The following LIPI variants were observed in gnomAD, a reference collection of about 807,000 sequenced individuals.
LIPI encodes lipase member I.
In LIPI, 59 loss-of-function variants were observed where a neutral mutation model predicts 50.6. That is an observed-to-expected ratio of 1.16 (90% confidence interval 0.94 to 1.45). The LOEUF (loss-of-function observed/expected upper bound fraction) is 1.45. Ranked by LOEUF, LIPI falls within the 40% of genes most tolerant of loss-of-function variation. The pLI, the probability that LIPI is intolerant of heterozygous loss-of-function variation, is 0.00. For synonymous variants in LIPI, 203 were observed against 178.2 expected (o/e 1.14, Z -1.11); for missense variants, 586 against 536.3 (o/e 1.09, Z -0.92).
At chr21:14,201,741 C>A (rs1019755857) in intron 1 of LIPI, among the ~76,000 whole-genome samples, 1 of 152,094 alleles carries the variant, frequency 6.6e-6, no homozygotes, top group Non-Finnish European at 1.5e-5. Context: ...AGTGAGTGGG[C>A]AAAAACTGGA....
intron 9 of LIPI, among the ~76,000 whole-genome samples, chr21:14,134,771 AC>A (rs2017428160): frequency 1.3e-5 from 2 of 152,200 alleles, no homozygotes; most frequent in South Asian, 4.1e-4. Context: ...CCTGTCTCCC[AC>A]CATATACAAA....
rs867372138 is a variant in LIPI at position 14,166,527 on chromosome 21, T to C, written c.644-76A>G. On this transcript the variant is annotated intron_variant, in intron 4 of 9. Coordinates refer to ENST00000681601, the MANE Select transcript of LIPI (RefSeq NM_001302998.2). ...ATCTTGCATAAAACAAAATAGCCTA[T>C]AAAATCCATTGAAAGTTACTCTTTA... 6 of 792,562 alleles carry C rather than the reference T, an allele frequency of 7.6e-6. No homozygotes were observed. In the Middle Eastern group the frequency reaches 6.8e-4, roughly 90 times the overall value. 49.1% of individuals were successfully genotyped at this position (792,562 alleles called of 1,614,324 possible).
chr21:14,186,120 A>T (rs1344689196), intron 2 of LIPI, 51 bp from the exon 3 acceptor site: 1 of 968,982 alleles, frequency 1.0e-6, no homozygotes, highest in Admixed American at 1.7e-5. Flanking sequence ...AAGTAATAAC[A>T]AATCATGCCC....
At chr21:14,157,532 G>T (rs190800185) in intron 7 of LIPI, among the ~76,000 whole-genome samples, 23 of 151,860 alleles carry the variant, frequency 1.5e-4, no homozygotes, top group Admixed American at 6.6e-4. Context: ...ACGTTATAGT[G>T]GTATAAATAG....
At chr21:14,130,093 A>T (rs1030032874) in intron 9 of LIPI, among the ~76,000 whole-genome samples, 3 of 149,812 alleles carry the variant, frequency 2.0e-5, no homozygotes, top group African/African-American at 7.6e-5. Context: ...GTTAGTTTTT[A>T]AAAAATTGCT....
chr21:14,180,146 G>C (rs1441426753), intron 4 of LIPI, among the ~76,000 whole-genome samples: 1 of 152,110 alleles, frequency 6.6e-6, no homozygotes, highest in Admixed American at 6.6e-5. Flanking sequence ...GTACCCTCAG[G>C]CTTCCTAGGG....
chr21:14,199,573 G>A (rs1474614363), intron 1 of LIPI, among the ~76,000 whole-genome samples: 2 of 151,150 alleles, frequency 1.3e-5, no homozygotes, highest in African/African-American at 4.9e-5. Flanking sequence ...CCAGTGATGA[G>A]CTCTGAAATT....
intron 9 of LIPI, among the ~76,000 whole-genome samples, chr21:14,132,041 A>G (rs184023370): frequency 1.2e-3 from 183 of 152,312 alleles, no homozygotes; most frequent in African/African-American, 4.2e-3. Flanking sequence ...ATAAACAAAC[A>G]AAAAAACAAA....
chr21:14,128,607 C>G (rs1438629073), intron 9 of LIPI, among the ~76,000 whole-genome samples: 3 of 151,428 alleles, frequency 2.0e-5, no homozygotes, highest in African/African-American at 7.3e-5. Context: ...AAATAATTAT[C>G]AAGGATATAT....
At chr21:14,185,198 A>C (rs2019409887) in intron 3 of LIPI, among the ~76,000 whole-genome samples, 1 of 152,166 alleles carries the variant, frequency 6.6e-6, no homozygotes. Context: ...TTGTTATAGA[A>C]ATATGAAGGG....
At chr21:14,207,122 G>A (rs1299422122) in intron 1 of LIPI, among the ~76,000 whole-genome samples, 1 of 152,092 alleles carries the variant, frequency 6.6e-6, no homozygotes, top group African/African-American at 2.4e-5. Context: ...AATGCTAGTG[G>A]CAGAAAGCAA....
chr21:14,136,618 G>T (rs1600849689), intron 9 of LIPI, among the ~76,000 whole-genome samples: 2 of 152,256 alleles, frequency 1.3e-5, no homozygotes, highest in African/African-American at 4.8e-5. Context: ...AGTACTTCTG[G>T]ATCCACTCAG....
intron 9 of LIPI, among the ~76,000 whole-genome samples, chr21:14,135,082 C>T (rs1028928001): frequency 8.6e-5 from 13 of 151,334 alleles, no homozygotes; most frequent in Non-Finnish European, 1.5e-4. Context: ...GTAACTCAAA[C>T]AGCTCAAAAA....
chr21:14,209,468 A>C (rs1287832206), intron 1 of LIPI, among the ~76,000 whole-genome samples: 1 of 152,180 alleles, frequency 6.6e-6, no homozygotes, highest in East Asian at 1.9e-4. Context: ...TTTTTAATCA[A>C]GTAGAGATTC....
At chr21:14,200,306 T>A (rs2020007709) in intron 1 of LIPI, among the ~76,000 whole-genome samples, 1 of 151,998 alleles carries the variant, frequency 6.6e-6, no homozygotes, top group Non-Finnish European at 1.5e-5. Context: ...GAGAGGAAGA[T>A]GAACTACCAC....
chr21:14,113,324 A>G (rs2016489666), intron 9 of LIPI, among the ~76,000 whole-genome samples: 1 of 152,228 alleles, frequency 6.6e-6, no homozygotes, highest in South Asian at 2.1e-4. Flanking sequence ...AACAGTTATT[A>G]TACCTTTATT....
At chr21:14,159,286 T>C (rs2018381430) in intron 7 of LIPI, among the ~76,000 whole-genome samples, 1 of 151,508 alleles carries the variant, frequency 6.6e-6, no homozygotes, top group Non-Finnish European at 1.5e-5. Context: ...CAACAATGTA[T>C]TTTAAAATAC....
chr21:14,143,021 T>C (rs946999673), intron 9 of LIPI, among the ~76,000 whole-genome samples: 4 of 152,044 alleles, frequency 2.6e-5, no homozygotes, highest in African/African-American at 9.7e-5. Context: ...ATAGAAACTC[T>C]AGAAAAACCC....
intron 8 of LIPI, among the ~76,000 whole-genome samples, chr21:14,148,307 T>C (rs73894172): frequency 0.09 from 13,688 of 152,176 alleles, 785 homozygotes; most frequent in East Asian, 0.27. Flanking sequence ...TTTTCTACAG[T>C]GAGTAAATAT....
Sources: gnomAD v4.1 joint callset for allele counts (sites outside exome capture counted in the v4.1 genomes callset) on GRCh38, gnomAD v4.1.1 for gene constraint, MANE v1.5 for transcripts, NCBI Gene and HGNC (gene_info 2026-07-23, HGNC 2026-07-21) for gene names.